NME7: variants seen among roughly 807,000 people sequenced by gnomAD.
NME7 encodes the protein NME/NM23 family member 7.
NME7 carries 41 observed loss-of-function variants against 49.1 expected under a neutral mutation model. The ratio of observed to expected loss-of-function variants is 0.83; its 90% CI spans 0.65 to 1.08. NME7 has a LOEUF of 1.08. Ranked by LOEUF, NME7 falls within the 50% of genes least tolerant of loss-of-function variation. NME7 has a pLI of 0.00. For missense variants in NME7, 423 were observed against 463.4 expected (o/e 0.91, Z 0.80); for synonymous variants, 139 against 150.6 (o/e 0.92, Z 0.56).
chr1:169,194,526 A>G (rs1388527644), intron 10 of NME7, among the ~76,000 whole-genome samples: 1 of 152,130 alleles, frequency 6.6e-6, no homozygotes, highest in Non-Finnish European at 1.5e-5. Context: ...CAAGGAAATT[A>G]ATTTTGAAAT....
intron 10 of NME7, among the ~76,000 whole-genome samples, chr1:169,178,586 C>A (rs1379149513): frequency 6.6e-6 from 1 of 152,126 alleles, no homozygotes; most frequent in Non-Finnish European, 1.5e-5. Context: ...ATAGCTACTT[C>A]CTTGAATCGA....
intron 2 of NME7, among the ~76,000 whole-genome samples, chr1:169,323,826 C>T (rs1438837843): frequency 6.7e-6 from 1 of 148,552 alleles, no homozygotes; most frequent in Non-Finnish European, 1.5e-5. Flanking sequence ...TGAATAATCC[C>T]ATTTCAGTCT....
At chr1:169,256,612 T>C (rs912327457) in intron 7 of NME7, among the ~76,000 whole-genome samples, 1 of 129,376 alleles carries the variant, frequency 7.7e-6, no homozygotes, top group Non-Finnish European at 1.8e-5. Flanking sequence ...GGTGAGGAAC[T>C]GCGTTCCTTT....
intron 6 of NME7, among the ~76,000 whole-genome samples, chr1:169,293,389 G>T (rs144457467): frequency 1.4e-3 from 214 of 151,400 alleles, no homozygotes; most frequent in African/African-American, 4.9e-3. Context: ...ATCCTAGATA[G>T]AAACTTAAGA....
chr1:169,231,952 A>C (rs1647641921), intron 9 of NME7, among the ~76,000 whole-genome samples: 1 of 152,198 alleles, frequency 6.6e-6, no homozygotes, highest in African/African-American at 2.4e-5. Flanking sequence ...CAGTAAAAAA[A>C]TTACCAGGCA....
chr1:169,169,442 C>G lies in NME7; in HGVS notation c.1098+5G>C. 1 of 1,606,956 alleles carries G rather than the reference C, an allele frequency of 6.2e-7. No individual in the cohort carries two copies. The highest frequency in any genetic ancestry group is 8.5e-7 in the Non-Finnish European group (1 of 1,175,134). On this transcript the variant is annotated splice_donor_5th_base_variant and intron_variant, in intron 11 of 11. Transcript: ENST00000367811. ...TAAATAGGATGTTTACCTTCTTTAT[C>G]TTACCTCTAATAGGCCATCCTCTGG...
intron 10 of NME7, among the ~76,000 whole-genome samples, chr1:169,227,992 T>A (rs1017347568): frequency 7.9e-5 from 12 of 151,412 alleles, no homozygotes; most frequent in Non-Finnish European, 1.6e-4. Flanking sequence ...ACATAATATA[T>A]ATATATAACA....
At position 169,260,137 on chromosome 1, in the gene NME7, A is replaced by C. The variant is rs1433402210; in HGVS notation, c.755-22450T>G. On this transcript the variant is annotated intron_variant, in intron 7 of 11. Transcript: ENST00000367811. ...GGTTAGAAAAGAACTAATAACTAAA[A>C]TAAGTTAGAACTTTGAACCATAGGT... Among the ~76,000 whole-genome samples the C allele has an allele frequency of 1.5e-5, 2 of 133,742 alleles. 1 individual carries two copies. Among genetic ancestry groups the C allele is most frequent in the Non-Finnish European group, 3.5e-5 (2 of 56,870 alleles). 87.7% of individuals were successfully genotyped at this position (133,742 alleles called of 152,430 possible).
At chr1:169,318,794 C>T (rs569944359) in intron 3 of NME7, among the ~76,000 whole-genome samples, 13 of 151,794 alleles carry the variant, frequency 8.6e-5, no homozygotes, top group Non-Finnish European at 1.2e-4. Context: ...GGGCCATGAA[C>T]AGAACCCTGG....
At chr1:169,362,803 A>T (rs1030709766) in intron 1 of NME7, among the ~76,000 whole-genome samples, 6 of 152,356 alleles carry the variant, frequency 3.9e-5, no homozygotes, top group African/African-American at 1.4e-4. Flanking sequence ...TGCACAAAGA[A>T]ACTTGAAAAT....
chr1:169,208,389 T>C (rs1191145015), intron 10 of NME7, among the ~76,000 whole-genome samples: 4 of 152,056 alleles, frequency 2.6e-5, no homozygotes, highest in African/African-American at 9.7e-5. Context: ...ACTGAATAAA[T>C]GAATAAATCA....
intron 10 of NME7, among the ~76,000 whole-genome samples, chr1:169,181,125 CCTATCTATTTATCTATCTATCTAT>C (rs1340849157): frequency 2.2e-4 from 23 of 106,682 alleles, no homozygotes; most frequent in Non-Finnish European, 4.0e-4. Flanking sequence ...AGGCTATAAT[CCTATCTATTTATCTATCTATCTAT>C]CTATCTATCT....
intron 1 of NME7, among the ~76,000 whole-genome samples, chr1:169,325,074 A>G (rs1383290981): frequency 6.6e-6 from 1 of 152,186 alleles, no homozygotes. Context: ...AAGATTGAAC[A>G]TACAAGAATT....
intron 1 of NME7, among the ~76,000 whole-genome samples, chr1:169,342,084 CA>C (rs550730087): frequency 3.6e-4 from 55 of 152,176 alleles, no homozygotes; most frequent in African/African-American, 1.2e-3. Flanking sequence ...TGGGAGGGGC[CA>C]GGGGTGGAAT....
At chr1:169,186,011 T>C (rs755274629) in intron 10 of NME7, among the ~76,000 whole-genome samples, 66 of 152,150 alleles carry the variant, frequency 4.3e-4, no homozygotes, top group Admixed American at 3.3e-4. Context: ...ATTCAAAAAC[T>C]ATACACCAGT....
At chr1:169,272,014 A>C (rs1342213534) in intron 7 of NME7, among the ~76,000 whole-genome samples, 1 of 132,222 alleles carries the variant, frequency 7.6e-6, no homozygotes, top group Non-Finnish European at 1.8e-5. Context: ...ATACAGGTTT[A>C]GAAATAAAAG....
chr1:169,239,237 C>T (rs1647985913), intron 7 of NME7, among the ~76,000 whole-genome samples: 1 of 151,840 alleles, frequency 6.6e-6, no homozygotes, highest in Admixed American at 6.6e-5. Context: ...ATTTAGAATG[C>T]TGATTGGAAA....
chr1:169,144,194 T>C (rs1021372733), intron 11 of NME7, among the ~76,000 whole-genome samples: 2 of 152,022 alleles, frequency 1.3e-5, no homozygotes, highest in African/African-American at 2.4e-5. Context: ...CTGGGCAACA[T>C]AGTGAGACTC....
chr1:169,205,742 T>C (rs34032351), intron 10 of NME7, among the ~76,000 whole-genome samples: 10,637 of 152,184 alleles, frequency 0.07, 1,476 homozygotes, highest in East Asian at 0.66. Flanking sequence ...TGTTAAAACA[T>C]GTTAGGTTAT....
Sources: allele counts gnomAD v4.1 joint callset (sites outside exome capture counted in the v4.1 genomes callset), GRCh38; gene constraint gnomAD v4.1.1; transcripts MANE v1.5; gene names NCBI Gene and HGNC (gene_info 2026-07-23, HGNC 2026-07-21).